PACRG: variants seen among roughly 807,000 people sequenced by gnomAD.
PACRG encodes parkin coregulated gene protein.
PACRG carries 29 observed loss-of-function variants against 29.7 expected under a neutral mutation model. The ratio of observed to expected loss-of-function variants is 0.98; its 90% CI spans 0.73 to 1.33. PACRG has a LOEUF of 1.33. Ranked by LOEUF, PACRG falls within the 40% of genes most tolerant of loss-of-function variation. PACRG has a pLI of 0.00. For synonymous variants in PACRG, 116 were observed against 118.7 expected, an observed-to-expected ratio of 0.98 and a Z score of 0.15; for missense variants, 279 against 316.2, an observed-to-expected ratio of 0.88 and a Z score of 0.89.
intron 2 of PACRG, among the ~76,000 whole-genome samples, chr6:162,917,909 C>G (rs555224835): frequency 4.6e-5 from 7 of 152,152 alleles, no homozygotes; most frequent in Non-Finnish European, 8.8e-5. Context: ...TCATTCTTGT[C>G]ATTTTTAGAC....
chr6:163,282,074 A>G (rs534804031), intron 4 of PACRG, among the ~76,000 whole-genome samples: 146 of 152,324 alleles, frequency 9.6e-4, no homozygotes, highest in African/African-American at 3.0e-3. Flanking sequence ...CTTGAAAAAA[A>G]GGGCAATTTT....
At chr6:163,197,738 T>G (rs11752633) in intron 4 of PACRG, among the ~76,000 whole-genome samples, 1 of 151,892 alleles carries the variant, frequency 6.6e-6, no homozygotes, top group Non-Finnish European at 1.5e-5. Flanking sequence ...CCTGAGCCAC[T>G]GAGCCCGCCG....
chr6:163,286,954 A>G (rs1158252826), intron 4 of PACRG, among the ~76,000 whole-genome samples: 5 of 152,058 alleles, frequency 3.3e-5, no homozygotes, highest in African/African-American at 1.2e-4. Context: ...GTGCTTGCAT[A>G]TGTGTAGATA....
chr6:163,219,778 A>G lies in PACRG; in HGVS notation c.614-95049A>G, dbSNP rs191638878. ...CCTCCCTCCTACCAGCATTTCCCTA[A>G]GCCTCAGAAACACCAAGGACATTTC... On this transcript the variant is annotated intron_variant, in intron 4 of 4. Transcript: ENST00000366888. Among the ~76,000 whole-genome samples, 431 of 151,890 alleles carry G rather than the reference A, an allele frequency of 2.8e-3. 3 individuals carry two copies. The highest frequency in any genetic ancestry group is 6.9e-3 in the South Asian group (33 of 4,802).
chr6:163,030,042 A>G (rs1807512718), intron 2 of PACRG, among the ~76,000 whole-genome samples: 1 of 152,254 alleles, frequency 6.6e-6, no homozygotes, highest in Non-Finnish European at 1.5e-5. Flanking sequence ...TTCCAGTAAC[A>G]TCAATGAAAT....
At chr6:162,949,215 TAGG>T (rs1799466524) in intron 2 of PACRG, among the ~76,000 whole-genome samples, 1 of 152,084 alleles carries the variant, frequency 6.6e-6, no homozygotes, top group African/African-American at 2.4e-5. Flanking sequence ...CATGGAGGAC[TAGG>T]AGGTCATTAT....
intron 4 of PACRG, among the ~76,000 whole-genome samples, chr6:163,113,565 G>A (rs1340738350): frequency 1.3e-5 from 2 of 152,156 alleles, no homozygotes; most frequent in Non-Finnish European, 2.9e-5. Flanking sequence ...TAGAAACTAT[G>A]GAGGCCAGAA....
At chr6:162,779,103 C>G (rs1783886471) in intron 1 of PACRG, among the ~76,000 whole-genome samples, 1 of 152,140 alleles carries the variant, frequency 6.6e-6, no homozygotes, top group African/African-American at 2.4e-5. Context: ...CATCATTCGG[C>G]TCCGACTTAT....
chr6:163,121,438 A>G (rs1320303500), intron 4 of PACRG, among the ~76,000 whole-genome samples: 1 of 152,056 alleles, frequency 6.6e-6, no homozygotes, highest in African/African-American at 2.4e-5. Context: ...TCTGTGATGC[A>G]CAGAGTCATG....
At chr6:162,748,948 C>T (rs1302724391) in intron 1 of PACRG, among the ~76,000 whole-genome samples, 2 of 152,128 alleles carry the variant, frequency 1.3e-5, no homozygotes, top group South Asian at 2.1e-4. Context: ...ACTCCTTCCC[C>T]CCTTCTCCAG....
intron 4 of PACRG, among the ~76,000 whole-genome samples, chr6:163,307,059 G>A (rs1785219043): frequency 6.6e-6 from 1 of 152,116 alleles, no homozygotes; most frequent in Non-Finnish European, 1.5e-5. Flanking sequence ...CACTATATCA[G>A]TATGATCCCA....
chr6:162,856,348 C>A (rs764159504), intron 2 of PACRG, among the ~76,000 whole-genome samples: 1 of 152,156 alleles, frequency 6.6e-6, no homozygotes, highest in Admixed American at 6.5e-5. Context: ...CATGAGCCAC[C>A]GCACCTGGCC....
At chr6:163,285,656 A>G (rs1213448370) in intron 4 of PACRG, among the ~76,000 whole-genome samples, 2 of 152,368 alleles carry the variant, frequency 1.3e-5, no homozygotes, top group East Asian at 3.9e-4. Context: ...TCCAAGGAAA[A>G]GAATGCACCG....
rs1236498683 is a variant in PACRG, at chr6:162,815,772, T to A, written c.291+1491T>A. 1.3e-5 allele frequency among the ~76,000 whole-genome samples: 2 copies of A among 152,136 alleles called. 1 individual carries two copies. The highest frequency in any genetic ancestry group is 1.3e-4 in the Admixed American group (2 of 15,274). On this transcript the variant is annotated intron_variant, in intron 2 of 4. Transcript: ENST00000366888. ...TATATTTGATTGGTTGCATGGATTT[T>A]GTGTTTGCCTGTCTATGTACTGGCT...
intron 4 of PACRG, among the ~76,000 whole-genome samples, chr6:163,150,691 G>T (rs1006584075): frequency 8.5e-5 from 13 of 152,214 alleles, no homozygotes; most frequent in Non-Finnish European, 1.5e-4. Flanking sequence ...CATGATTTCA[G>T]CCCAGCAATT....
At position 163,093,009 on chromosome 6, in the gene PACRG, A is replaced by G. The variant is rs1241564281; in HGVS notation, c.613+3601A>G. ...CAGCTGCATCAGTGCCTTTGCTTCA[A>G]ATGGTTCATTTTGGCTCTAATTGCC... On this transcript the variant is annotated intron_variant, in intron 4 of 4. Coordinates refer to ENST00000366888, the MANE Select transcript of PACRG (RefSeq NM_001080379.2). 2.6e-5 allele frequency among the ~76,000 whole-genome samples: 4 copies of G among 152,152 alleles called. No individual in the cohort carries two copies. In the South Asian group the frequency reaches 8.3e-4, roughly 32 times the overall value.
intron 2 of PACRG, among the ~76,000 whole-genome samples, chr6:162,963,261 A>G (rs1404116422): frequency 6.6e-6 from 1 of 152,164 alleles, no homozygotes; most frequent in South Asian, 2.1e-4. Flanking sequence ...CTACATAACA[A>G]AAGATTTTTC....
intron 2 of PACRG, among the ~76,000 whole-genome samples, chr6:162,966,632 A>G (rs1055427010): frequency 1.3e-5 from 2 of 151,842 alleles, no homozygotes; most frequent in African/African-American, 2.4e-5. Flanking sequence ...GCCCTCCACC[A>G]TGCCCGGCTA....
chr6:163,309,229 C>T (rs1785310901), intron 4 of PACRG, among the ~76,000 whole-genome samples: 1 of 152,216 alleles, frequency 6.6e-6, no homozygotes, highest in Admixed American at 6.5e-5. Context: ...CACATGCCAA[C>T]GGCCAGAGCA....
Sources: allele counts gnomAD v4.1 joint callset (sites outside exome capture counted in the v4.1 genomes callset), GRCh38; gene constraint gnomAD v4.1.1; transcripts MANE v1.5; gene names NCBI Gene and HGNC (gene_info 2026-07-23, HGNC 2026-07-21).